The following ARVCF variants were observed in gnomAD, a reference collection of about 807,000 sequenced individuals.
ARVCF encodes the protein ARVCF delta catenin family member, also known as splicing regulator ARVCF.
A neutral mutation model predicts 90.9 loss-of-function variants in ARVCF; 66 were observed. The observed-to-expected ratio is 0.73, with a 90% CI of 0.60 to 0.89. The LOEUF is 0.89. Among genes scored for constraint, ARVCF ranks in the 40% least tolerant of loss-of-function variants. The pLI is 0.00. For missense variants in ARVCF, 1,469 were observed against 1,382.3 expected (o/e 1.06, Z -1.00); for synonymous variants, 653 against 603.4 (o/e 1.08, Z -1.21).
rs762007602 is a variant in ARVCF at position 19,975,777 on chromosome 22, G to A, written c.1889-20C>T. On this transcript the variant is annotated intron_variant, in intron 10 of 19. Transcript: ENST00000263207. ...TCTTTCCTGGAAGGGAAAGGTGGTG[G>A]GAGGTGAGGCAGACCCCATATGGGG... The A allele has an allele frequency of 6.2e-7, 1 of 1,612,756 alleles. No homozygotes were observed. The highest frequency in any genetic ancestry group is 8.5e-7 in the Non-Finnish European group (1 of 1,179,580).
At chr22:19,983,946 G>A (rs1033318250) in intron 3 of ARVCF, among the ~76,000 whole-genome samples, 2 of 152,226 alleles carry the variant, frequency 1.3e-5, no homozygotes, top group African/African-American at 2.4e-5. Context: ...GAAGGCTTGT[G>A]TGGCCCATCA....
chr22:19,982,475 C>T (rs1943559676), intron 3 of ARVCF, among the ~76,000 whole-genome samples: 1 of 152,096 alleles, frequency 6.6e-6, no homozygotes, highest in Non-Finnish European at 1.5e-5. Context: ...CCAGGAGGTG[C>T]CAGTGAGACC....
In ARVCF at chr22:20,016,594, G is replaced by GCGCAGCGTGGGCGGCCC. The variant is rs1417489589; in HGVS notation, c.-95_-79dup. 6.6e-6 allele frequency: 1 copy of GCGCAGCGTGGGCGGCCC among 151,780 alleles called. No homozygotes were observed. Among genetic ancestry groups the GCGCAGCGTGGGCGGCCC allele is most frequent in the African/African-American group, 2.4e-5 (1 of 41,430 alleles). 9.4% of individuals were successfully genotyped at this position (151,780 alleles called of 1,614,324 possible). A position where few individuals can be genotyped will look rare whatever the true frequency, so the allele number is the denominator to read the frequency against. On this transcript the variant is annotated 5_prime_UTR_variant, in exon 1 of 20. Coordinates refer to ENST00000263207, the MANE Select transcript of ARVCF (RefSeq NM_001670.3). ...GCCCACTGGCTCAGGCTTACCTGGAGCGCAGCGTGGGCGGCCCCGCAGCGC... is the reference window on the plus strand; with the variant it reads ...GCCCACTGGCTCAGGCTTACCTGGAGCGCAGCGTGGGCGGCCCCGCAGCGTGGGCGGCCCCGCAGCGC...
rs771378302 is a variant in ARVCF at position 19,978,888 on chromosome 22, G to T, written c.1580+9C>A. On this transcript the variant is annotated intron_variant, in intron 7 of 19. Transcript: ENST00000263207. Reference sequence around the variant, plus strand: ...GCATGTGGGCTTTAGCACCAGGTCTGGTCCACACCTCAGGCAGCCCGACGT... The same window carrying T: ...GCATGTGGGCTTTAGCACCAGGTCTTGTCCACACCTCAGGCAGCCCGACGT... 7 of 1,606,258 alleles carry T rather than the reference G, an allele frequency of 4.4e-6. No homozygotes were observed. In the South Asian group the frequency reaches 7.7e-5, roughly 18 times the overall value.
downstream of ARVCF, among the ~76,000 whole-genome samples, chr22:19,967,921 G>C (rs1047093054): frequency 5.9e-5 from 9 of 152,372 alleles, no homozygotes; most frequent in Admixed American, 1.3e-4. Context: ...ATGGCTGCGT[G>C]TCCAGTAACA....
At chr22:19,996,558 C>T (rs941046336) in intron 2 of ARVCF, among the ~76,000 whole-genome samples, 4 of 152,216 alleles carry the variant, frequency 2.6e-5, no homozygotes, top group African/African-American at 2.4e-5. Context: ...AAAAGACAAT[C>T]GACATGTTGG....
chr22:19,991,305 A>C (rs946552153), intron 2 of ARVCF, among the ~76,000 whole-genome samples: 2 of 152,220 alleles, frequency 1.3e-5, no homozygotes, highest in African/African-American at 4.8e-5. Context: ...GGGAGTGAGA[A>C]GCTGCTCCAC....
In ARVCF at chr22:19,981,718, G is replaced by T. The variant is rs758305327; in HGVS notation, c.389C>A (p.Thr130Lys). The T allele has an allele frequency of 7.0e-6, 11 of 1,570,458 alleles. No homozygotes were observed. Among genetic ancestry groups the T allele is most frequent in the Non-Finnish European group, 9.5e-6 (11 of 1,156,338 alleles). Reference sequence around the variant, plus strand: ...CTGGCGTACTGTCCGAGTGGTCACCGTCTTGACAGTCTTGGTGACCTGGTG... The same window carrying T: ...CTGGCGTACTGTCCGAGTGGTCACCTTCTTGACAGTCTTGGTGACCTGGTG... ...TETKVTKTVK[T>K]VTTRTVRQVP... The change falls in exon 5 of 20, where the codon ACG (threonine) becomes AAG (lysine). Residue 130 changes from threonine to lysine, a missense_variant. Transcript: ENST00000263207.
intron 2 of ARVCF, 56 bp from the exon 3 acceptor site, chr22:19,990,868 C>T: frequency 6.6e-7 from 1 of 1,505,806 alleles, no homozygotes; most frequent in Non-Finnish European, 9.0e-7. Context: ...GCAAGGCCAT[C>T]ATGGGCCCCT....
At chr22:19,972,081 A>G in intron 17 of ARVCF, 110 bp from the exon 18 acceptor site, 1 of 1,104,650 alleles carries the variant, frequency 9.1e-7, no homozygotes, top group Non-Finnish European at 1.3e-6. Context: ...GGGCTTTGGG[A>G]GACAGCCCCC....
rs776752976 is a variant in ARVCF, at chr22:19,977,442, T to C, written c.1843A>G (p.Ser615Gly). 3 of 1,548,396 alleles carry C rather than the reference T, an allele frequency of 1.9e-6. No individual in the cohort carries two copies. The highest frequency in any genetic ancestry group is 1.2e-5 in the South Asian group (1 of 82,662). The change falls in exon 9 of 20, where the codon AGC becomes GGC. Residue 615 changes from serine (S) to glycine (G), a missense_variant. By Grantham distance (56) the Ser-to-Gly change is moderately conservative. Coordinates refer to ENST00000263207, the MANE Select transcript of ARVCF (RefSeq NM_001670.3). Reference protein sequence around the residue: ...GSQRRRRDDASCFGGKKAKEE... With the variant: ...GSQRRRRDDAGCFGGKKAKEE... ...TTGGCCTTCTTGCCTCCAAAGCAGCTGGCATCATCCCGCCTCCGGCGCTGG... is the reference window on the plus strand; with the variant it reads ...TTGGCCTTCTTGCCTCCAAAGCAGCCGGCATCATCCCGCCTCCGGCGCTGG...
At chr22:19,985,729 G>C (rs981931837) in intron 3 of ARVCF, among the ~76,000 whole-genome samples, 4 of 152,156 alleles carry the variant, frequency 2.6e-5, no homozygotes, top group Non-Finnish European at 5.9e-5. Context: ...ACCACGGTCT[G>C]TGTCCTGAAG....
chr22:19,967,998 G>A (rs1277402692), downstream of ARVCF, among the ~76,000 whole-genome samples: 1 of 152,230 alleles, frequency 6.6e-6, no homozygotes, highest in Non-Finnish European at 1.5e-5. Flanking sequence ...AGGCACTGGT[G>A]AAGATGGGGG....
At chr22:20,016,035 AG>A (rs796957591) in intron 1 of ARVCF, among the ~76,000 whole-genome samples, 17 of 152,162 alleles carry the variant, frequency 1.1e-4, no homozygotes, top group African/African-American at 4.1e-4. Flanking sequence ...CGGCGTGGGG[AG>A]GGGGACCCAG....
Position 19,973,754 on chromosome 22 carries a change from C to G in ARVCF, c.2128G>C (p.Gly710Arg), listed in dbSNP as rs762983344. ...AGCAGTTCCACAAGCACCGGCAGCCCGCGCTCTTTGCGCACTGTGGCGCGG... is the reference window on the plus strand; with the variant it reads ...AGCAGTTCCACAAGCACCGGCAGCCGGCGCTCTTTGCGCACTGTGGCGCGG... ...YIRATVRKERGLPVLVELLQS... is the reference protein window; with the variant it reads ...YIRATVRKERRLPVLVELLQS... The change falls in exon 13 of 20, where the codon GGG becomes CGG. Residue 710 changes from glycine to arginine, a missense_variant. Physicochemically the swap from Gly to Arg is moderately radical, Grantham distance 125 (BLOSUM62 -2). Transcript: ENST00000263207. 4 of 1,608,032 alleles carry G rather than the reference C, an allele frequency of 2.5e-6. No homozygotes were observed. The highest frequency in any genetic ancestry group is 3.4e-6 in the Non-Finnish European group (4 of 1,179,942).
intron 4 of ARVCF, 49 bp downstream of exon 4, chr22:19,981,884 G>A (rs1483348210): frequency 1.3e-6 from 2 of 1,596,678 alleles, no homozygotes; most frequent in African/African-American, 2.7e-5. Flanking sequence ...TGGGACAGCT[G>A]CAGCAGCCTG....
chr22:19,973,425 G>GCCTGTGTGCAGGCGGTCACAGGAGCCCC, intron 13 of ARVCF, 108 bp from the exon 14 acceptor site: 1 of 1,390,106 alleles, frequency 7.2e-7, no homozygotes, highest in Non-Finnish European at 9.5e-7. Context: ...CCTGGAGACC[G>GCCTGTGTGCAGGCGGTCACAGGAGCCCC]CCTGTGTGCA....
chr22:19,981,514 C>A lies in ARVCF; in HGVS notation c.593G>T (p.Ser198Ile). 1.3e-6 allele frequency: 2 copies of A among 1,567,730 alleles called. No individual in the cohort carries two copies. Among genetic ancestry groups the A allele is most frequent in the Non-Finnish European group, 1.7e-6 (2 of 1,158,138 alleles). Residue 198 changes from serine (S) to isoleucine (I), a missense_variant, in exon 5 of 20, where the codon AGC becomes ATC. Ser to Ile is a moderately radical substitution (Grantham distance 142, BLOSUM62 -2). Transcript: ENST00000263207. ...GFPEGPEPRD[S>I]PSYGSLSRGL... ...TCGGGACAGGCTGCCATAGCTGGGG[C>A]TGTCCCGGGGCTCGGGGCCTTCGGG...
rs759797530 is a variant in ARVCF, at chr22:19,972,854, T to G, written c.2551-27A>C. 5.0e-6 allele frequency: 8 copies of G among 1,613,268 alleles called. No individual in the cohort carries two copies. In the South Asian group the frequency reaches 7.7e-5, roughly 16 times the overall value. ...TGAGACATAAAACACAGACACAGGG[T>G]GGGTGAAGCACATGGAGTGGGAATA... On this transcript the variant is annotated intron_variant, in intron 15 of 19. Transcript: ENST00000263207.
Sources: allele counts gnomAD v4.1 joint callset (sites outside exome capture counted in the v4.1 genomes callset), GRCh38; gene constraint gnomAD v4.1.1; transcripts MANE v1.5; gene names NCBI Gene and HGNC (gene_info 2026-07-23, HGNC 2026-07-21).